The following ANKRD44 variants were observed in gnomAD, a reference collection of about 807,000 sequenced individuals.
ANKRD44 encodes the protein serine/threonine-protein phosphatase 6 regulatory ankyrin repeat subunit B.
In ANKRD44, 35 loss-of-function variants were observed where a neutral mutation model predicts 116.0. That is an observed-to-expected ratio of 0.30 (90% CI 0.23 to 0.40). The LOEUF (loss-of-function observed/expected upper bound fraction) is 0.40. Ranked by LOEUF, ANKRD44 falls within the 10% of genes least tolerant of loss-of-function variation. The probability of loss-of-function intolerance (pLI) is 1.00; values close to 1 mark genes in which losing one functional copy is unlikely to be tolerated. For missense variants in ANKRD44, 1,014 were observed against 1,242.6 expected (o/e 0.82, Z 2.77); for synonymous variants, 435 against 461.8 (o/e 0.94, Z 0.74).
intron 2 of ANKRD44, among the ~76,000 whole-genome samples, chr2:197,180,339 G>C (rs1269514572): frequency 6.6e-6 from 1 of 152,200 alleles, no homozygotes; most frequent in Non-Finnish European, 1.5e-5. Context: ...TAACAATTTA[G>C]AGATTTCCTG....
In ANKRD44 at chr2:197,216,869, A is replaced by AACACACACACACACAC. The variant is rs61641385; in HGVS notation, c.28-29779_28-29764dup. ...GCTTTGTCAGCAAGCACATTGGTTA[A>AACACACACACACACAC]ACACACACACACACACACACACACA... On this transcript the variant is annotated intron_variant, in intron 1 of 27. Coordinates refer to ENST00000282272, the MANE Select transcript of ANKRD44 (RefSeq NM_001195144.2). Among the ~76,000 whole-genome samples, 1,365 of 139,790 alleles carry AACACACACACACACAC rather than the reference A, an allele frequency of 9.8e-3. 21 individuals carry two copies. Among genetic ancestry groups the AACACACACACACACAC allele is most frequent in the African/African-American group, 0.029 (1,053 of 36,152 alleles). 91.7% of individuals were successfully genotyped at this position (139,790 alleles called of 152,430 possible). A position where few individuals can be genotyped will look rare whatever the true frequency, so the allele number is the denominator to read the frequency against.
chr2:197,055,220 A>G lies in ANKRD44; in HGVS notation c.1650+23483T>C, dbSNP rs2077181211. On this transcript the variant is annotated intron_variant, in intron 16 of 27. Transcript: ENST00000282272. Reference sequence around the variant, plus strand: ...AGCTGAATACTTTTTTCACATGTTTATAAATACTTGGACATCCTCTTGTGA... The same window carrying G: ...AGCTGAATACTTTTTTCACATGTTTGTAAATACTTGGACATCCTCTTGTGA... 2.0e-5 allele frequency among the ~76,000 whole-genome samples: 3 copies of G among 152,324 alleles called. No homozygotes were observed. In the South Asian group the frequency reaches 6.2e-4, roughly 32 times the overall value.
At chr2:197,165,504 G>A (rs889332444) in intron 2 of ANKRD44, among the ~76,000 whole-genome samples, 1 of 152,180 alleles carries the variant, frequency 6.6e-6, no homozygotes, top group African/African-American at 2.4e-5. Context: ...CTGATCTCAG[G>A]TTACCTGTGA....
At chr2:197,161,076 GT>G (rs2079948753) in intron 2 of ANKRD44, among the ~76,000 whole-genome samples, 1 of 152,198 alleles carries the variant, frequency 6.6e-6, no homozygotes, top group Non-Finnish European at 1.5e-5. Context: ...AATTGAGCCA[GT>G]GGGACAGAAA....
intron 1 of ANKRD44, among the ~76,000 whole-genome samples, chr2:197,195,716 G>A (rs1022514339): frequency 4.6e-5 from 7 of 152,274 alleles, no homozygotes; most frequent in South Asian, 2.1e-4. Flanking sequence ...GAACCTCTGC[G>A]GATGTAAGCT....
At chr2:197,263,426 C>G (rs1479815060) in intron 1 of ANKRD44, 4 of 577,660 alleles carry the variant, frequency 6.9e-6, no homozygotes, top group Non-Finnish European at 1.3e-5. Flanking sequence ...GCCAGGAACC[C>G]TTCTCTGAAA....
chr2:197,280,396 A>G (rs1387305844), intron 1 of ANKRD44, among the ~76,000 whole-genome samples: 1 of 152,232 alleles, frequency 6.6e-6, no homozygotes, highest in African/African-American at 2.4e-5. Context: ...AGGGTTTGCA[A>G]AAGGCAGCTC....
chr2:197,018,609 T>C (rs960804201), intron 17 of ANKRD44, among the ~76,000 whole-genome samples: 1 of 152,216 alleles, frequency 6.6e-6, no homozygotes, highest in African/African-American at 2.4e-5. Flanking sequence ...AAAACTGATA[T>C]CAATGGATAT....
At chr2:197,004,974 A>G (rs1196426284) in intron 21 of ANKRD44, among the ~76,000 whole-genome samples, 3 of 152,170 alleles carry the variant, frequency 2.0e-5, no homozygotes, top group African/African-American at 7.2e-5. Context: ...AATATCTGCA[A>G]TACAATTTAA....
intron 16 of ANKRD44, among the ~76,000 whole-genome samples, chr2:197,034,080 G>GAGAGAGAGAGAGAGAGAGAT (rs2076762535): frequency 6.6e-6 from 1 of 151,692 alleles, no homozygotes; most frequent in South Asian, 2.1e-4. Flanking sequence ...GAGAGAGAGA[G>GAGAGAGAGAGAGAGAGAGAT]AGAGAGCTCA....
chr2:197,188,100 T>C (rs765292811), intron 1 of ANKRD44, among the ~76,000 whole-genome samples: 1 of 152,190 alleles, frequency 6.6e-6, no homozygotes, highest in Non-Finnish European at 1.5e-5. Context: ...CATGATTACA[T>C]CTACTGCTTA....
rs1282216592 is a variant in ANKRD44 at position 197,118,724 on chromosome 2, G to A, written c.906+2608C>T. ...CTCTCTGCAGTGATAATTGTTGCTA[G>A]CATATTGGTACATACTCCAGAGAAT... On this transcript the variant is annotated intron_variant, in intron 8 of 27. Coordinates refer to ENST00000282272, the MANE Select transcript of ANKRD44 (RefSeq NM_001195144.2). Among the ~76,000 whole-genome samples the A allele has an allele frequency of 8.5e-5, 13 of 152,210 alleles. No homozygotes were observed. In the East Asian group the frequency reaches 2.3e-3, roughly 27 times the overall value.
At chr2:197,198,529 C>T (rs989125760) in intron 1 of ANKRD44, among the ~76,000 whole-genome samples, 1 of 152,068 alleles carries the variant, frequency 6.6e-6, no homozygotes, top group African/African-American at 2.4e-5. Flanking sequence ...TGGTGGCTCA[C>T]GTCTGTAATC....
At chr2:197,186,550 G>A (rs995741143) in intron 2 of ANKRD44, among the ~76,000 whole-genome samples, 9 of 147,910 alleles carry the variant, frequency 6.1e-5, no homozygotes, top group South Asian at 2.2e-4. Context: ...CTGCAGCCTC[G>A]AACTCCTGGG....
At chr2:197,184,564 C>A (rs570229632) in intron 2 of ANKRD44, among the ~76,000 whole-genome samples, 154 of 148,570 alleles carry the variant, frequency 1.0e-3, no homozygotes, top group Non-Finnish European at 1.9e-3. Flanking sequence ...TCGCTTGACC[C>A]GGGAGATGGT....
intron 1 of ANKRD44, among the ~76,000 whole-genome samples, chr2:197,226,838 T>C (rs2125749197): frequency 6.6e-6 from 1 of 152,158 alleles, no homozygotes. Context: ...CATCTTCAGA[T>C]TCTTTCTTCT....
intron 16 of ANKRD44, among the ~76,000 whole-genome samples, chr2:197,035,537 T>C (rs763121388): frequency 1.4e-4 from 22 of 152,160 alleles, no homozygotes; most frequent in Non-Finnish European, 4.4e-5. Flanking sequence ...GGAGGTTCTC[T>C]GAGAAGAGGT....
chr2:197,281,855 T>G (rs2083274000), intron 1 of ANKRD44, among the ~76,000 whole-genome samples: 1 of 152,214 alleles, frequency 6.6e-6, no homozygotes, highest in Non-Finnish European at 1.5e-5. Context: ...GTTTAAATCT[T>G]GTTTAAATCC....
At chr2:197,019,283 A>C (rs765433415) in intron 17 of ANKRD44, among the ~76,000 whole-genome samples, 4 of 152,218 alleles carry the variant, frequency 2.6e-5, no homozygotes, top group Non-Finnish European at 4.4e-5. Context: ...GCATTTCTAA[A>C]ATAAATTGCT....
Sources: allele counts gnomAD v4.1 joint callset (sites outside exome capture counted in the v4.1 genomes callset), GRCh38; gene constraint gnomAD v4.1.1; transcripts MANE v1.5; gene names NCBI Gene and HGNC (gene_info 2026-07-23, HGNC 2026-07-21).